Variants in PCDHGA1 observed in about 807,000 individuals in gnomAD.
PCDHGA1 encodes protocadherin gamma-A1.
PCDHGA1 carries 32 observed loss-of-function variants against 58.0 expected under a neutral mutation model. That is an observed-to-expected ratio of 0.55 (90% confidence interval 0.42 to 0.74). PCDHGA1 has a LOEUF of 0.74. Among genes scored for constraint, PCDHGA1 ranks in the 30% least tolerant of loss-of-function variants. The probability of loss-of-function intolerance (pLI) is 0.00; values close to 1 mark genes in which losing one functional copy is unlikely to be tolerated. For missense variants in PCDHGA1, 1,205 were observed against 1,182.3 expected, an observed-to-expected ratio of 1.02 and a Z score of -0.28; for synonymous variants, 498 against 501.1, an observed-to-expected ratio of 0.99 and a Z score of 0.08.
chr5:141,403,442 G>A, intron 1 of PCDHGA1: 2 of 1,614,024 alleles, frequency 1.2e-6, no homozygotes, highest in Admixed American at 1.7e-5. Flanking sequence ...GGATGTTGGC[G>A]TGAACTCCCT....
chr5:141,340,740 A>C (rs1339965864), intron 1 of PCDHGA1: 3 of 1,613,600 alleles, frequency 1.9e-6, no homozygotes, highest in South Asian at 2.2e-5. Context: ...CTGGTGACCA[A>C]GGTGGTGGCG....
rs776854254 is a variant in PCDHGA1 at position 141,487,285 on chromosome 5, C to T, written c.2422-7522C>T. On this transcript the variant is annotated intron_variant, in intron 1 of 3. Coordinates refer to ENST00000517417, the MANE Select transcript of PCDHGA1 (RefSeq NM_018912.3). This position sits in a 1 kb window ranked among gnomAD's most constrained non-coding sequence, Gnocchi z 5.0. The stretch of plus-strand genomic sequence containing the variant: ...CCCTAGTGGCAATTTGCTTTGTCTC[C>T]TTTGGCTCATTCGTGGCACTACTCT... 8 of 1,614,148 alleles carry T rather than the reference C, an allele frequency of 5.0e-6. No homozygotes were observed. The highest frequency in any genetic ancestry group is 6.8e-6 in the Non-Finnish European group (8 of 1,180,036).
Position 141,491,858 on chromosome 5 carries a change from A to G in PCDHGA1, c.2422-2949A>G, listed in dbSNP as rs17208425. 297,575 of 1,456,446 alleles carry G rather than the reference A, an allele frequency of 0.2. 31,644 individuals are homozygous for G. The highest frequency in any genetic ancestry group is 0.33 in the Admixed American group (11,758 of 35,494). 90.2% of individuals were successfully genotyped at this position (1,456,446 alleles called of 1,614,324 possible). On this transcript the variant is annotated intron_variant, in intron 1 of 3. Transcript: ENST00000517417. This position sits in a 1 kb window ranked among gnomAD's most constrained non-coding sequence, Gnocchi z 6.9. ...TCGGGATCATTGGACCGTTTGCGCG[A>G]AACCAGAGTGGCCGATTAAGGGATG... is the stretch of plus-strand genomic sequence containing the variant.
chr5:141,356,964 G>A, intron 1 of PCDHGA1: 2 of 1,614,246 alleles, frequency 1.2e-6, no homozygotes, highest in Non-Finnish European at 1.7e-6. Context: ...GCTACCTGGT[G>A]ACCAAAGTGG....
At position 141,413,426 on chromosome 5, in the gene PCDHGA1, G is replaced by T. The variant is rs138985917; in HGVS notation, c.2421+80321G>T. On this transcript the variant is annotated intron_variant, in intron 1 of 3. Transcript: ENST00000517417. Reference sequence around the variant, plus strand: ...ACGCAGCTTTTCTCTCTGAACCCGCGCAGCGGCAGCTTGATCACCGCGGGC... The same window carrying T: ...ACGCAGCTTTTCTCTCTGAACCCGCTCAGCGGCAGCTTGATCACCGCGGGC... 776 of 1,614,090 alleles carry T rather than the reference G, an allele frequency of 4.8e-4. 5 individuals carry two copies. The African/African-American group carries it at 9.2e-3, about 19-fold the overall frequency.
intron 1 of PCDHGA1, among the ~76,000 whole-genome samples, chr5:141,453,974 T>C (rs1386640440): frequency 6.6e-6 from 1 of 152,242 alleles, no homozygotes; most frequent in Non-Finnish European, 1.5e-5. Flanking sequence ...CATGTAGTTG[T>C]GTTGCCTTCC....
chr5:141,496,981 T>A (rs928774783), intron 2 of PCDHGA1, among the ~76,000 whole-genome samples: 1 of 150,304 alleles, frequency 6.7e-6, no homozygotes, highest in African/African-American at 2.5e-5. Context: ...AGGTCAGGGG[T>A]TTGAGACCAG....
rs774055546 is a variant in PCDHGA1, at chr5:141,360,808, A to T, written c.2421+27703A>T. On this transcript the variant is annotated intron_variant, in intron 1 of 3. Transcript: ENST00000517417. ...TGGCGGAGACCCACCTCAAAGTGGC[A>T]CGACCCAAATCCGAATCAAAGTCAC... is the stretch of plus-strand genomic sequence containing the variant. The T allele has an allele frequency of 1.9e-6, 3 of 1,613,856 alleles. No individual in the cohort carries two copies. The African/African-American group carries it at 4.0e-5, about 22-fold the overall frequency.
chr5:141,330,793 G>C lies in PCDHGA1; in HGVS notation c.109G>C (p.Glu37Gln). 6.2e-7 allele frequency: 1 copy of C among 1,614,218 alleles called. No individual in the cohort carries two copies. Among genetic ancestry groups the C allele is most frequent in the Non-Finnish European group, 8.5e-7 (1 of 1,180,050 alleles). The change falls in exon 1 of 4, where the codon GAA becomes CAA. Residue 37 changes from glutamate (E) to glutamine (Q), a missense_variant. Coordinates refer to ENST00000517417, the MANE Select transcript of PCDHGA1 (RefSeq NM_018912.3). ...TGGGAATATTCACTACTCAGTGCCG[G>C]AAGAGACAGACAAAGGTTCCTTCGT... ...GAGNIHYSVP[E>Q]ETDKGSFVGN... is the part of the protein sequence containing the mutation.
chr5:141,422,074 C>T (rs886758924), intron 1 of PCDHGA1: 8 of 1,612,146 alleles, frequency 5.0e-6, no homozygotes, highest in African/African-American at 4.0e-5. Context: ...GTATTCATTT[C>T]GGAACATGGA....
intron 1 of PCDHGA1, chr5:141,360,457 A>T (rs780037606): frequency 1.2e-6 from 2 of 1,613,970 alleles, no homozygotes; most frequent in Non-Finnish European, 1.7e-6. Flanking sequence ...GGATTTCGAT[A>T]CTGTCGCTGA....
At chr5:141,412,917 G>C (rs918712966) in intron 1 of PCDHGA1, 2 of 410,214 alleles carry the variant, frequency 4.9e-6, no homozygotes, top group African/African-American at 2.1e-5. Context: ...GTATCACTTG[G>C]GTGCAGTAAC....
chr5:141,343,985 C>T (rs776739047), intron 1 of PCDHGA1: 8 of 1,448,200 alleles, frequency 5.5e-6, no homozygotes, highest in Non-Finnish European at 7.4e-6. Flanking sequence ...TGGAGTCCGT[C>T]GTAGGAAACT....
In PCDHGA1 at chr5:141,487,869, G is replaced by T; in HGVS notation, c.2422-6938G>T. On this transcript the variant is annotated intron_variant, in intron 1 of 3. Transcript: ENST00000517417. This position sits in a 1 kb window ranked among gnomAD's most constrained non-coding sequence, Gnocchi z 5.0. ...AAATGAAAGTAATTGGTGATCAAGA[G>T]CCAGGCTGTTGTGGAAGCATGATGA... 1.1e-6 allele frequency: 1 copy of T among 871,620 alleles called. No individual in the cohort carries two copies. The highest frequency in any genetic ancestry group is 1.7e-6 in the Non-Finnish European group (1 of 574,346). The allele number at this position is 871,620 out of a possible 1,614,324, so 54.0% of individuals were successfully genotyped here. A position where few individuals can be genotyped will look rare whatever the true frequency, so the allele number is the denominator to read the frequency against.
intron 1 of PCDHGA1, chr5:141,423,752 G>T: frequency 6.2e-6 from 4 of 644,948 alleles, no homozygotes; most frequent in Non-Finnish European, 7.8e-6. Context: ...AAACTGTTTG[G>T]GGGGGGGGTG....
intron 1 of PCDHGA1, chr5:141,340,276 T>C: frequency 6.2e-7 from 1 of 1,614,162 alleles, no homozygotes. Flanking sequence ...TGTCCACGGA[T>C]GCTCACATTT....
intron 1 of PCDHGA1, chr5:141,393,788 G>A (rs2092844033): frequency 6.2e-7 from 1 of 1,613,938 alleles, no homozygotes. Context: ...AAGATGTGGG[G>A]GCACTTCTGG....
chr5:141,345,752 T>A (rs768879399), intron 1 of PCDHGA1: 1 of 1,614,046 alleles, frequency 6.2e-7, no homozygotes, highest in African/African-American at 1.3e-5. Flanking sequence ...ACGGTTCCAC[T>A]GGCGTGGAGC....
At chr5:141,361,752 G>T (rs1860253) in intron 1 of PCDHGA1, 5 of 1,613,022 alleles carry the variant, frequency 3.1e-6, no homozygotes, top group East Asian at 4.5e-5. Flanking sequence ...ACCAGGGCTC[G>T]CCCGCGCTCA....
Sources: allele counts gnomAD v4.1 joint callset (sites outside exome capture counted in the v4.1 genomes callset), GRCh38; gene constraint gnomAD v4.1.1; non-coding constraint Gnocchi (gnomAD v3.1); transcripts MANE v1.5; gene names NCBI Gene and HGNC (gene_info 2026-07-23, HGNC 2026-07-21).